The following POFUT3 variants were observed in gnomAD, a reference collection of about 807,000 sequenced individuals.
The protein encoded by POFUT3 is protein O-fucosyltransferase 3.
chr8:33,438,528 G>C, the POFUT3 span, among the ~76,000 whole-genome samples: 1 of 152,246 alleles, frequency 6.6e-6, no homozygotes, highest in African/African-American at 2.4e-5. Flanking sequence ...TGAAACTGCA[G>C]TGAGCATTGT....
the POFUT3 span, among the ~76,000 whole-genome samples, chr8:33,427,343 C>A: frequency 6.6e-6 from 1 of 151,740 alleles, no homozygotes; most frequent in South Asian, 2.1e-4. Context: ...TTTGGGAGGC[C>A]GAGGCGGGCA....
At chr8:33,416,715 G>T in the POFUT3 span, among the ~76,000 whole-genome samples, 1 of 151,428 alleles carries the variant, frequency 6.6e-6, no homozygotes, top group Non-Finnish European at 1.5e-5. Flanking sequence ...GTGTGGTGCC[G>T]CATGCCTGTA....
chr8:33,427,236 G>T, the POFUT3 span, among the ~76,000 whole-genome samples: 1 of 152,126 alleles, frequency 6.6e-6, no homozygotes, highest in Non-Finnish European at 1.5e-5. Flanking sequence ...GAGATGGGAG[G>T]ATCAAGAACA....
At chr8:33,385,482 C>T in the POFUT3 span, among the ~76,000 whole-genome samples, 8 of 152,256 alleles carry the variant, frequency 5.3e-5, no homozygotes, top group East Asian at 7.7e-4. Context: ...AGTGTAACTG[C>T]CATGAACACA....
chr8:33,348,133 T>C, the POFUT3 span, among the ~76,000 whole-genome samples: 31,065 of 148,558 alleles, frequency 0.21, 3,800 homozygotes, highest in South Asian at 0.51. Flanking sequence ...AGCCGAGATC[T>C]GCTTTCCAAC....
the POFUT3 span, among the ~76,000 whole-genome samples, chr8:33,332,206 A>G: frequency 6.7e-6 from 1 of 148,380 alleles, no homozygotes; most frequent in Admixed American, 6.7e-5. Flanking sequence ...AAACGAAGCC[A>G]GGAGCGGTGG....
the POFUT3 span, chr8:33,453,549 T>G: frequency 6.6e-7 from 1 of 1,507,768 alleles, no homozygotes; most frequent in Non-Finnish European, 9.0e-7. Context: ...TCAAACTGTT[T>G]GATTTCCTTT....
the POFUT3 span, among the ~76,000 whole-genome samples, chr8:33,334,501 C>CTG: frequency 6.6e-6 from 1 of 152,140 alleles, no homozygotes; most frequent in African/African-American, 2.4e-5. Context: ...TAGAGGTGAG[C>CTG]CACAGTACCC....
chr8:33,451,824 C>G, the POFUT3 span: 1 of 152,146 alleles, frequency 6.6e-6, no homozygotes, highest in Non-Finnish European at 1.5e-5. Flanking sequence ...GAAACAGGCA[C>G]TTTCTTCACA....
the POFUT3 span, among the ~76,000 whole-genome samples, chr8:33,395,718 C>A: frequency 2.6e-5 from 4 of 152,138 alleles, no homozygotes. Context: ...TAAAAGAGCA[C>A]TGATTGTAAC....
At chr8:33,346,533 C>A in the POFUT3 span, among the ~76,000 whole-genome samples, 1 of 152,162 alleles carries the variant, frequency 6.6e-6, no homozygotes, top group African/African-American at 2.4e-5. Context: ...GAGCTTATTG[C>A]AGAATTATCA....
chr8:33,334,115 C>G, the POFUT3 span, among the ~76,000 whole-genome samples: 1 of 152,146 alleles, frequency 6.6e-6, no homozygotes, highest in African/African-American at 2.4e-5. Context: ...TTATCTTATT[C>G]ATAGCTGTAC....
the POFUT3 span, among the ~76,000 whole-genome samples, chr8:33,375,932 G>A: frequency 0.021 from 3,224 of 151,518 alleles, 118 homozygotes; most frequent in African/African-American, 0.075. Context: ...CAGGAGAATC[G>A]CTTGAACCCA....
At chr8:33,399,891 C>T in the POFUT3 span, among the ~76,000 whole-genome samples, 2 of 151,654 alleles carry the variant, frequency 1.3e-5, no homozygotes, top group Non-Finnish European at 2.9e-5. Context: ...TGACCTCAGG[C>T]GATCCGCCCA....
chr8:33,384,545 C>A, the POFUT3 span, among the ~76,000 whole-genome samples: 9 of 152,104 alleles, frequency 5.9e-5, no homozygotes, highest in Non-Finnish European at 1.3e-4. Context: ...TCAGGCCGGG[C>A]GTGGTGGCTC....
At chr8:33,468,417 G>A in the POFUT3 span, among the ~76,000 whole-genome samples, 1 of 151,942 alleles carries the variant, frequency 6.6e-6, no homozygotes, top group Non-Finnish European at 1.5e-5. Flanking sequence ...ATAAGCTAGA[G>A]GTAATACCAA....
the POFUT3 span, among the ~76,000 whole-genome samples, chr8:33,469,214 G>C: frequency 8.4e-4 from 128 of 152,254 alleles, no homozygotes; most frequent in Non-Finnish European, 1.4e-3. Context: ...GCTGAGGCAG[G>C]AGAATGGCAT....
the POFUT3 span, among the ~76,000 whole-genome samples, chr8:33,315,930 G>A: frequency 2.6e-5 from 4 of 152,026 alleles, no homozygotes; most frequent in East Asian, 7.7e-4. Flanking sequence ...TTATGTTATA[G>A]TTAGAGATGA....
At chr8:33,327,789 G>A in the POFUT3 span, among the ~76,000 whole-genome samples, 5 of 152,174 alleles carry the variant, frequency 3.3e-5, no homozygotes, top group African/African-American at 9.7e-5. Context: ...GATCTGGGAG[G>A]GTTTGCCAGT....
Sources: gnomAD v4.1 joint callset for allele counts (sites outside exome capture counted in the v4.1 genomes callset) on GRCh38, gnomAD v4.1.1 for gene constraint, MANE v1.5 for transcripts, NCBI Gene and HGNC (gene_info 2026-07-23, HGNC 2026-07-21) for gene names.